CCDC175: variants seen among roughly 807,000 people sequenced by gnomAD.
CCDC175 encodes coiled-coil domain-containing protein 175.
In CCDC175, 100 loss-of-function variants were observed where a neutral mutation model predicts 114.6. The observed-to-expected ratio is 0.87, with a 90% CI of 0.74 to 1.03. CCDC175 has a LOEUF of 1.03. CCDC175 is among the 50% of genes least tolerant of loss of function. CCDC175 has a pLI of 0.00. For synonymous variants in CCDC175, 306 were observed against 308.7 expected (o/e 0.99, Z 0.09); for missense variants, 880 against 917.8 (o/e 0.96, Z 0.53).
intron 8 of CCDC175, among the ~76,000 whole-genome samples, chr14:59,548,978 G>C (rs993609528): frequency 3.9e-5 from 6 of 152,166 alleles, no homozygotes; most frequent in Non-Finnish European, 7.3e-5. Flanking sequence ...AGATAGATGA[G>C]GAACTGTGAG....
At chr14:59,528,007 A>G (rs1893850659) in intron 14 of CCDC175, among the ~76,000 whole-genome samples, 1 of 151,958 alleles carries the variant, frequency 6.6e-6, no homozygotes, top group South Asian at 2.1e-4. Flanking sequence ...TGATTCATTT[A>G]TTCTATTTGT....
Position 59,517,598 on chromosome 14 carries a change from G to T in CCDC175, c.2098+3976C>A, listed in dbSNP as rs566231571. On this transcript the variant is annotated intron_variant, in intron 17 of 19. Transcript: ENST00000537690. ...GCTTCAAAGAGAATAAAATGCCTAG[G>T]AATCCAACTTACAAGAGATGTGAAG... Among the ~76,000 whole-genome samples the T allele has an allele frequency of 1.9e-4, 29 of 152,254 alleles. No homozygotes were observed. The South Asian group carries it at 2.3e-3, about 12-fold the overall frequency.
chr14:59,525,737 G>T (rs1228387369), intron 15 of CCDC175, among the ~76,000 whole-genome samples: 1 of 151,942 alleles, frequency 6.6e-6, no homozygotes, highest in Non-Finnish European at 1.5e-5. Flanking sequence ...AACATGAATA[G>T]AATACATTCA....
intron 15 of CCDC175, among the ~76,000 whole-genome samples, chr14:59,526,080 T>C (rs755781150): frequency 1.8e-4 from 28 of 152,214 alleles, no homozygotes; most frequent in Non-Finnish European, 3.5e-4. Context: ...TTAATGTTTC[T>C]TGAAGAAAGA....
intron 19 of CCDC175, among the ~76,000 whole-genome samples, chr14:59,506,008 G>T (rs1018546690): frequency 6.6e-6 from 1 of 152,074 alleles, no homozygotes; most frequent in African/African-American, 2.4e-5. Flanking sequence ...TTTTCTTTGA[G>T]CGTCATATTG....
intron 16 of CCDC175, among the ~76,000 whole-genome samples, chr14:59,524,452 CA>C (rs34463421): frequency 1.3e-5 from 2 of 151,980 alleles, no homozygotes; most frequent in Non-Finnish European, 2.9e-5. Flanking sequence ...AGTCACTTCA[CA>C]AAAAAAGGAT....
intron 9 of CCDC175, among the ~76,000 whole-genome samples, chr14:59,544,356 T>C (rs995327325): frequency 6.6e-6 from 1 of 152,060 alleles, no homozygotes; most frequent in Non-Finnish European, 1.5e-5. Context: ...TTAGTAGAGA[T>C]GGGGTTTCAA....
chr14:59,561,050 A>G, intron 7 of CCDC175, 69 bp downstream of exon 7: 1 of 704,514 alleles, frequency 1.4e-6, no homozygotes, highest in East Asian at 2.8e-5. Context: ...AAAACATAGC[A>G]TATTAACTAT....
At chr14:59,553,806 G>T (rs1315822051) in intron 7 of CCDC175, among the ~76,000 whole-genome samples, 1 of 152,096 alleles carries the variant, frequency 6.6e-6, no homozygotes, top group Non-Finnish European at 1.5e-5. Flanking sequence ...AAAGGCAGGG[G>T]TTGCAATCCT....
At chr14:59,527,738 C>A (rs759514684) in intron 14 of CCDC175, among the ~76,000 whole-genome samples, 13 of 152,040 alleles carry the variant, frequency 8.6e-5, no homozygotes, top group South Asian at 8.3e-4. Flanking sequence ...AACTGTACAA[C>A]CTTTCAAATT....
intron 8 of CCDC175, 113 bp from the exon 9 acceptor site, chr14:59,545,412 A>T (rs1341728510): frequency 1.3e-6 from 1 of 787,700 alleles, no homozygotes; most frequent in African/African-American, 1.8e-5. Context: ...GCCCACCGTG[A>T]ATATGCCATA....
chr14:59,509,729 C>T (rs562747317), intron 19 of CCDC175, among the ~76,000 whole-genome samples: 45 of 152,188 alleles, frequency 3.0e-4, no homozygotes, highest in South Asian at 8.3e-4. Flanking sequence ...AGGCTGGTCT[C>T]GAACACTTGG....
At chr14:59,548,975 TGAG>T (rs1460682751) in intron 8 of CCDC175, among the ~76,000 whole-genome samples, 1 of 152,182 alleles carries the variant, frequency 6.6e-6, no homozygotes, top group African/African-American at 2.4e-5. Flanking sequence ...AGAAGATAGA[TGAG>T]GAACTGTGAG....
chr14:59,526,001 T>C (rs752086555), intron 15 of CCDC175, among the ~76,000 whole-genome samples: 3 of 152,202 alleles, frequency 2.0e-5, no homozygotes, highest in Non-Finnish European at 2.9e-5. Context: ...ATGACTGTAC[T>C]TTGATATATA....
chr14:59,528,801 T>C (rs2139999507), intron 14 of CCDC175, among the ~76,000 whole-genome samples: 1 of 152,282 alleles, frequency 6.6e-6, no homozygotes, highest in South Asian at 2.1e-4. Context: ...TTCTTAACTT[T>C]TCTTATAATT....
intron 14 of CCDC175, among the ~76,000 whole-genome samples, chr14:59,530,224 A>G (rs1893986101): frequency 6.6e-6 from 1 of 151,702 alleles, no homozygotes; most frequent in African/African-American, 2.4e-5. Flanking sequence ...AAAATTGGCC[A>G]GGCATGGTGG....
chr14:59,550,761 C>T (rs887794230), intron 8 of CCDC175, among the ~76,000 whole-genome samples: 1 of 152,118 alleles, frequency 6.6e-6, no homozygotes, highest in Non-Finnish European at 1.5e-5. Flanking sequence ...CTAGTCTTTT[C>T]ACGTTTTTCT....
Position 59,545,275 on chromosome 14 carries a change from G to T in CCDC175, c.1060C>A (p.Arg354Ser). The change falls in exon 9 of 20, where the codon CGT becomes AGT. Residue 354 changes from arginine to serine, a missense_variant. Arg to Ser is a moderately radical substitution (Grantham distance 110, BLOSUM62 -1). Transcript: ENST00000537690. ...KQLVETLHAA[R>S]MEYKDLREKM... ...TCTCGTAGGTCTTTGTATTCCATAC[G>T]AGCAGCATGCAGTGTTTCAACCAGC... 1 of 1,535,984 alleles carries T rather than the reference G, an allele frequency of 6.5e-7. No individual in the cohort carries two copies.
At chr14:59,543,825 T>C (rs1376601289) in intron 9 of CCDC175, among the ~76,000 whole-genome samples, 6 of 152,126 alleles carry the variant, frequency 3.9e-5, no homozygotes, top group Admixed American at 6.5e-5. Context: ...TTTATGAAAA[T>C]TCCCAAGCCA....
Sources: allele counts gnomAD v4.1 joint callset (sites outside exome capture counted in the v4.1 genomes callset), GRCh38; gene constraint gnomAD v4.1.1; transcripts MANE v1.5; gene names NCBI Gene and HGNC (gene_info 2026-07-23, HGNC 2026-07-21).